The following RNF150 variants were observed in gnomAD, a reference collection of about 807,000 sequenced individuals.
RNF150 encodes the protein ring finger protein 150.
Under a neutral mutation model 39.3 loss-of-function variants are expected in RNF150, and 24 were observed. That is an observed-to-expected ratio of 0.61 (90% CI 0.44 to 0.86). The LOEUF is 0.86. Ranked by LOEUF, RNF150 falls within the 40% of genes least tolerant of loss-of-function variation. The probability of loss-of-function intolerance (pLI) is 0.00; values close to 1 mark genes in which losing one functional copy is unlikely to be tolerated. For synonymous variants in RNF150, 255 were observed against 227.3 expected, an observed-to-expected ratio of 1.12 and a Z score of -1.10; for missense variants, 502 against 587.8, an observed-to-expected ratio of 0.85 and a Z score of 1.51.
chr4:141,185,271 A>G (rs1021324304), intron 1 of RNF150, among the ~76,000 whole-genome samples: 1 of 151,698 alleles, frequency 6.6e-6, no homozygotes, highest in Non-Finnish European at 1.5e-5. Flanking sequence ...ATTCCTAGGT[A>G]TTTTATTCTC....
intron 1 of RNF150, among the ~76,000 whole-genome samples, chr4:141,084,795 A>G (rs966169933): frequency 1.3e-5 from 2 of 152,232 alleles, no homozygotes; most frequent in African/African-American, 4.8e-5. Context: ...AGTATCTCCC[A>G]TCTTATACAT....
intron 1 of RNF150, among the ~76,000 whole-genome samples, chr4:141,006,237 T>TGTATATATATACATATATAC (rs1260726560): frequency 2.9e-3 from 147 of 51,530 alleles, no homozygotes; most frequent in African/African-American, 5.8e-3. Flanking sequence ...TATATGTGTA[T>TGTATATATATACATATATAC]GTATATATAT....
intron 1 of RNF150, among the ~76,000 whole-genome samples, chr4:141,028,907 A>G (rs1735820787): frequency 6.6e-6 from 1 of 152,186 alleles, no homozygotes; most frequent in Non-Finnish European, 1.5e-5. Flanking sequence ...ACATTGATAC[A>G]GAAAAGATTC....
chr4:140,880,920 G>A (rs1268835080), intron 6 of RNF150, among the ~76,000 whole-genome samples: 1 of 151,936 alleles, frequency 6.6e-6, no homozygotes, highest in Non-Finnish European at 1.5e-5. Flanking sequence ...AATTAGTCTA[G>A]CTAAGGATCT....
chr4:140,994,607 C>G (rs1432988228), intron 1 of RNF150, among the ~76,000 whole-genome samples: 1 of 152,096 alleles, frequency 6.6e-6, no homozygotes, highest in Non-Finnish European at 1.5e-5. Flanking sequence ...TAAAATGCAT[C>G]AAGACCAAAA....
intron 4 of RNF150, among the ~76,000 whole-genome samples, chr4:140,944,969 A>G (rs1732227312): frequency 6.6e-6 from 1 of 152,228 alleles, no homozygotes; most frequent in Non-Finnish European, 1.5e-5. Flanking sequence ...AGGCATAAAA[A>G]TACCTTGATT....
At chr4:141,096,327 G>T (rs1391795577) in intron 1 of RNF150, among the ~76,000 whole-genome samples, 1 of 150,652 alleles carries the variant, frequency 6.6e-6, no homozygotes. Context: ...CTCCTGAGTA[G>T]CTAGGGCTAC....
At chr4:140,921,311 A>G (rs1045455944) in intron 5 of RNF150, among the ~76,000 whole-genome samples, 181 of 152,012 alleles carry the variant, frequency 1.2e-3, no homozygotes, top group African/African-American at 4.1e-3. Context: ...ACAGAAATAC[A>G]AACTACCATC....
chr4:141,039,860 A>G (rs555031192), intron 1 of RNF150, among the ~76,000 whole-genome samples: 1 of 152,170 alleles, frequency 6.6e-6, no homozygotes, highest in East Asian at 1.9e-4. Context: ...ATTCAGGCCC[A>G]GGGGTGGAGA....
intron 6 of RNF150, among the ~76,000 whole-genome samples, chr4:140,895,872 C>A (rs558485315): frequency 6.6e-6 from 1 of 150,736 alleles, no homozygotes; most frequent in African/African-American, 2.5e-5. Flanking sequence ...TTTTTTTCTG[C>A]GAAGGACATG....
Position 140,868,378 on chromosome 4 carries a change from A to T in RNF150, c.1200T>A (p.Ser400Arg), listed in dbSNP as rs1221325047. The T allele has an allele frequency of 6.3e-7, 1 of 1,590,600 alleles. No homozygotes were observed. Among genetic ancestry groups the T allele is most frequent in the Non-Finnish European group, 8.6e-7 (1 of 1,158,568 alleles). Reference protein sequence around the residue: ...QEGDVIFTTNSEQEPAVSSDS... With the variant: ...QEGDVIFTTNREQEPAVSSDS... ...CACTGCTTACAGCTGGCTCCTGCTCACCTGGGAGGAGAAAGCAAAGTTCAC... is the reference window on the plus strand; with the variant it reads ...CACTGCTTACAGCTGGCTCCTGCTCTCCTGGGAGGAGAAAGCAAAGTTCAC... The change falls in exon 7 of 7, where the codon AGT becomes AGA. Residue 400 changes from serine to arginine, a missense_variant and splice_region_variant. By Grantham distance (110) the Ser-to-Arg change is moderately radical (BLOSUM62 -1). Coordinates refer to ENST00000515673, the MANE Select transcript of RNF150 (RefSeq NM_020724.2).
chr4:141,159,270 T>G (rs765876333), intron 1 of RNF150, among the ~76,000 whole-genome samples: 1 of 152,186 alleles, frequency 6.6e-6, no homozygotes, highest in Non-Finnish European at 1.5e-5. Context: ...TGAAAGTGGC[T>G]TTGGACAACA....
At chr4:140,930,281 A>T (rs1731578149) in intron 4 of RNF150, among the ~76,000 whole-genome samples, 1 of 152,222 alleles carries the variant, frequency 6.6e-6, no homozygotes, top group Non-Finnish European at 1.5e-5. Flanking sequence ...TGTCCTGAAG[A>T]CTTCAGGCTT....
chr4:140,926,025 A>G lies in RNF150; in HGVS notation c.939T>C (p.Arg313=), dbSNP rs1731387807. The G allele has an allele frequency of 1.9e-6, 3 of 1,614,026 alleles. No homozygotes were observed. Among genetic ancestry groups the G allele is most frequent in the Non-Finnish European group, 1.7e-6 (2 of 1,179,980 alleles). The part of the protein sequence containing the change: ...SCVDPWLLDH[R]TCPMCKMNIL... ...TGTTCATCTTGCACATGGGACAGGT[A>G]CGATGGTCTAGAAGCCAGGGGTCAA... Residue 313 remains arginine, a synonymous_variant, in exon 5 of 7, where the codon CGT becomes CGC. Transcript: ENST00000515673.
At chr4:141,004,638 T>A (rs1178207250) in intron 1 of RNF150, among the ~76,000 whole-genome samples, 1 of 152,194 alleles carries the variant, frequency 6.6e-6, no homozygotes, top group East Asian at 1.9e-4. Context: ...ATGACCCTTG[T>A]GTCATCAATT....
intron 2 of RNF150, among the ~76,000 whole-genome samples, chr4:140,958,141 T>C (rs928890423): frequency 6.6e-6 from 1 of 152,160 alleles, no homozygotes; most frequent in Non-Finnish European, 1.5e-5. Flanking sequence ...TTAGGTACTA[T>C]AAGTAAACAA....
chr4:141,048,821 T>C (rs189347070), intron 1 of RNF150, among the ~76,000 whole-genome samples: 2 of 152,298 alleles, frequency 1.3e-5, no homozygotes, highest in South Asian at 2.1e-4. Context: ...AGAAGATATA[T>C]TGCCTAGTAG....
At chr4:141,153,883 C>T (rs1006959420) in intron 1 of RNF150, among the ~76,000 whole-genome samples, 1 of 152,134 alleles carries the variant, frequency 6.6e-6, no homozygotes, top group Non-Finnish European at 1.5e-5. Flanking sequence ...GCATACACCA[C>T]AGTGTAATGT....
chr4:140,923,973 G>C (rs1387336500), intron 5 of RNF150, among the ~76,000 whole-genome samples: 7 of 152,084 alleles, frequency 4.6e-5, no homozygotes, highest in African/African-American at 1.7e-4. Flanking sequence ...GCCTGTTGTG[G>C]GGTGGGGGAA....
Sources: gnomAD v4.1 joint callset for allele counts (sites outside exome capture counted in the v4.1 genomes callset) on GRCh38, gnomAD v4.1.1 for gene constraint, MANE v1.5 for transcripts, NCBI Gene and HGNC (gene_info 2026-07-23, HGNC 2026-07-21) for gene names.